The following FBXW11 variants were observed in gnomAD, a reference collection of about 807,000 sequenced individuals.
FBXW11 encodes F-box and WD repeat domain containing 11, also known as F-box/WD repeat-containing protein 11.
FBXW11 carries 19 observed loss-of-function variants against 77.6 expected under a neutral mutation model. The ratio of observed to expected loss-of-function variants is 0.24; its 90% CI spans 0.17 to 0.36. The LOEUF (loss-of-function observed/expected upper bound fraction) is 0.36, where lower values mean the gene tolerates loss of function less well. Ranked by LOEUF, FBXW11 falls within the 10% of genes least tolerant of loss-of-function variation. The probability of loss-of-function intolerance (pLI) is 1.00; values close to 1 mark genes in which losing one functional copy is unlikely to be tolerated. For synonymous variants in FBXW11, 235 were observed against 249.4 expected, an observed-to-expected ratio of 0.94 and a Z score of 0.54; for missense variants, 334 against 704.2, an observed-to-expected ratio of 0.47 and a Z score of 5.95.
At chr5:171,914,853 G>A (rs1218233917) in intron 2 of FBXW11, among the ~76,000 whole-genome samples, 2 of 152,158 alleles carry the variant, frequency 1.3e-5, no homozygotes, top group African/African-American at 4.8e-5. Context: ...CCCTGCCTTC[G>A]TCTTTCCTCC....
Position 171,869,521 on chromosome 5 carries a change from C to T in FBXW11, c.1530+208G>A, listed in dbSNP as rs1469468279. Among the ~76,000 whole-genome samples, 1 of 152,184 alleles carries T rather than the reference C, an allele frequency of 6.6e-6. No individual in the cohort carries two copies. Among genetic ancestry groups the T allele is most frequent in the South Asian group, 2.1e-4 (1 of 4,828 alleles). Reference sequence around the variant, plus strand: ...AGGAAGCCTGCCTTCATATCTTAAGCTGCATTATGTCTCCCCTTAGGAAAG... The same window carrying T: ...AGGAAGCCTGCCTTCATATCTTAAGTTGCATTATGTCTCCCCTTAGGAAAG... On this transcript the variant is annotated intron_variant, in intron 12 of 13. Transcript: ENST00000517395. The surrounding 1 kb of genome is among the most constrained non-coding windows in gnomAD (Gnocchi z 4.1).
intron 2 of FBXW11, among the ~76,000 whole-genome samples, chr5:171,932,033 C>T (rs1762235040): frequency 6.6e-6 from 1 of 151,890 alleles, no homozygotes; most frequent in Non-Finnish European, 1.5e-5. Context: ...CACCACCATA[C>T]GTGGCTAATT....
In FBXW11 at chr5:171,930,134, T is replaced by A. The variant is rs567123434; in HGVS notation, c.148-15729A>T. The stretch of plus-strand genomic sequence containing the variant: ...GATTGACATAAAATCACATTATGTA[T>A]GAAAATACTTAAAAAGCGTCCTGCT... On this transcript the variant is annotated intron_variant, in intron 2 of 13. Transcript: ENST00000517395. Among the ~76,000 whole-genome samples the A allele has an allele frequency of 2.6e-4, 39 of 152,302 alleles. No homozygotes were observed. In the South Asian group the frequency reaches 8.1e-3, roughly 32 times the overall value.
intron 1 of FBXW11, among the ~76,000 whole-genome samples, chr5:171,997,911 T>C (rs1766156465): frequency 6.6e-6 from 1 of 152,230 alleles, no homozygotes; most frequent in African/African-American, 2.4e-5. Flanking sequence ...AAAATGCTCC[T>C]GCAGTAATTA....
intron 2 of FBXW11, among the ~76,000 whole-genome samples, chr5:171,939,948 T>C (rs1317408918): frequency 6.6e-6 from 1 of 152,194 alleles, no homozygotes; most frequent in African/African-American, 2.4e-5. Context: ...TCATATACTT[T>C]AAATCTCTAT....
chr5:171,908,998 C>G (rs1221308959), intron 4 of FBXW11: 1 of 152,198 alleles, frequency 6.6e-6, no homozygotes, highest in Non-Finnish European at 1.5e-5. Flanking sequence ...TTTGACATGG[C>G]AATTTTAACC....
At chr5:171,987,728 C>CG (rs557411053) in intron 1 of FBXW11, among the ~76,000 whole-genome samples, 86 of 152,264 alleles carry the variant, frequency 5.6e-4, no homozygotes, top group African/African-American at 2.0e-3. Flanking sequence ...GCTGGGATTA[C>CG]GGGCGTGAGC....
At chr5:172,004,677 T>C (rs530124805) in intron 1 of FBXW11, among the ~76,000 whole-genome samples, 29 of 152,330 alleles carry the variant, frequency 1.9e-4, no homozygotes, top group African/African-American at 6.7e-4. Flanking sequence ...GAAGTACTTC[T>C]GTTGTAAGTA....
At chr5:171,959,154 G>A (rs574752986) in intron 1 of FBXW11, among the ~76,000 whole-genome samples, 3 of 151,514 alleles carry the variant, frequency 2.0e-5, no homozygotes, top group African/African-American at 7.3e-5. Flanking sequence ...GAACCAAATG[G>A]AATAAAAAAA....
intron 2 of FBXW11, among the ~76,000 whole-genome samples, chr5:171,926,340 A>ATTTTTTTTTTTTTT (rs1761889244): frequency 6.6e-6 from 1 of 152,166 alleles, no homozygotes; most frequent in African/African-American, 2.4e-5. Flanking sequence ...AAGTGAGAAA[A>ATTTTTTTTTTTTTT]TTTTAAGAGA....
intron 4 of FBXW11, among the ~76,000 whole-genome samples, chr5:171,908,482 T>A (rs188745237): frequency 5.0e-4 from 75 of 151,058 alleles, no homozygotes; most frequent in African/African-American, 1.8e-3. Context: ...CTTGGCTTCC[T>A]AATCTACACA....
chr5:171,993,419 C>CA (rs1765859124), intron 1 of FBXW11, among the ~76,000 whole-genome samples: 1 of 152,054 alleles, frequency 6.6e-6, no homozygotes, highest in Admixed American at 6.6e-5. Flanking sequence ...CGAGACCATC[C>CA]TGGCCAACAA....
intron 7 of FBXW11, among the ~76,000 whole-genome samples, chr5:171,886,287 C>T (rs978718237): frequency 3.9e-5 from 6 of 152,094 alleles, no homozygotes; most frequent in Non-Finnish European, 8.8e-5. Context: ...ATGGATGAAG[C>T]TGGAAACCAT....
chr5:171,887,808 C>A (rs1759020140), intron 7 of FBXW11, among the ~76,000 whole-genome samples: 1 of 152,074 alleles, frequency 6.6e-6, no homozygotes, highest in Non-Finnish European at 1.5e-5. Flanking sequence ...CAGGTGCCCA[C>A]CACCACGCCC....
In FBXW11 at chr5:171,869,709, C is replaced by T. The variant is rs527971403; in HGVS notation, c.1530+20G>A. 1.2e-5 allele frequency: 19 copies of T among 1,591,520 alleles called. No homozygotes were observed. Among genetic ancestry groups the T allele is most frequent in the African/African-American group, 4.1e-5 (3 of 74,058 alleles). On this transcript the variant is annotated intron_variant, in intron 12 of 13. Transcript: ENST00000517395. This position sits in a 1 kb window ranked among gnomAD's most constrained non-coding sequence, Gnocchi z 4.1. ...TCCTCCAGCACAGGGAACCAATTCC[C>T]GTCTCAAGAGATCACATACCACCAA...
chr5:171,984,896 C>T (rs1004064442), intron 1 of FBXW11, among the ~76,000 whole-genome samples: 6 of 152,102 alleles, frequency 3.9e-5, no homozygotes, highest in Admixed American at 3.9e-4. Context: ...TTTACGGTGA[C>T]GACATGCCTA....
intron 2 of FBXW11, among the ~76,000 whole-genome samples, chr5:171,944,384 G>T (rs1265984134): frequency 1.3e-5 from 2 of 151,608 alleles, no homozygotes; most frequent in Non-Finnish European, 2.9e-5. Context: ...GACCATCCTG[G>T]CTAACATGGT....
intron 1 of FBXW11, among the ~76,000 whole-genome samples, chr5:171,988,776 C>T (rs1313759462): frequency 6.6e-6 from 1 of 151,742 alleles, no homozygotes; most frequent in African/African-American, 2.4e-5. Context: ...ATCCAGGAGG[C>T]AGAGGCTGCA....
chr5:171,936,689 A>G (rs995578447), intron 2 of FBXW11, among the ~76,000 whole-genome samples: 1 of 152,148 alleles, frequency 6.6e-6, no homozygotes, highest in African/African-American at 2.4e-5. Context: ...TACTCTCACT[A>G]CAAGACAGCT....
Sources: gnomAD v4.1 joint callset for allele counts (sites outside exome capture counted in the v4.1 genomes callset) on GRCh38, gnomAD v4.1.1 for gene constraint, Gnocchi (gnomAD v3.1) non-coding constraint, MANE v1.5 for transcripts, NCBI Gene and HGNC (gene_info 2026-07-23, HGNC 2026-07-21) for gene names.